The following CALN1 variants were observed in gnomAD, a reference collection of about 807,000 sequenced individuals.
The protein encoded by CALN1 is calneuron 1.
Under a neutral mutation model 30.6 loss-of-function variants are expected in CALN1, and 17 were observed. The observed-to-expected ratio is 0.56, with a 90% CI of 0.38 to 0.83. The LOEUF is 0.83. CALN1 is among the 40% of genes least tolerant of loss of function. CALN1 has a pLI of 0.00. For missense variants in CALN1, 291 were observed against 354.9 expected (o/e 0.82, Z 1.45); for synonymous variants, 156 against 131.4 (o/e 1.19, Z -1.28).
chr7:72,437,496 TAAAG>T (rs1808197953), intron 1 of CALN1, among the ~76,000 whole-genome samples: 1 of 150,904 alleles, frequency 6.6e-6, no homozygotes, highest in South Asian at 2.1e-4. Flanking sequence ...CAGGAAAAGT[TAAAG>T]AAGGTGAGAA....
intron 5 of CALN1, among the ~76,000 whole-genome samples, chr7:71,879,389 G>A (rs896577077): frequency 6.6e-6 from 1 of 152,132 alleles, no homozygotes; most frequent in Non-Finnish European, 1.5e-5. Context: ...CCCTCCAAAA[G>A]ATTTTGTGCA....
intron 3 of CALN1, among the ~76,000 whole-genome samples, chr7:72,258,977 A>T (rs1585288132): frequency 6.6e-6 from 1 of 151,930 alleles, no homozygotes; most frequent in Non-Finnish European, 1.5e-5. Flanking sequence ...GTTACTAGGA[A>T]GGCTGAGGCA....
chr7:72,243,611 C>T (rs555645893), intron 3 of CALN1, among the ~76,000 whole-genome samples: 1 of 152,158 alleles, frequency 6.6e-6, no homozygotes, highest in African/African-American at 2.4e-5. Flanking sequence ...CCGCCCCTGC[C>T]CCCAGTACTC....
intron 5 of CALN1, among the ~76,000 whole-genome samples, chr7:71,877,318 CT>C (rs1231208505): frequency 1.3e-5 from 2 of 152,098 alleles, no homozygotes; most frequent in African/African-American, 4.8e-5. Context: ...GGTGCATTTG[CT>C]TTTGCTATTA....
At chr7:71,841,674 G>C (rs942105077) in intron 5 of CALN1, among the ~76,000 whole-genome samples, 39 of 152,186 alleles carry the variant, frequency 2.6e-4, no homozygotes, top group African/African-American at 9.4e-4. Flanking sequence ...TGCAGCCATA[G>C]AAAGAGTGCA....
chr7:71,886,094 C>T (rs1792885656), intron 5 of CALN1, among the ~76,000 whole-genome samples: 1 of 152,218 alleles, frequency 6.6e-6, no homozygotes, highest in South Asian at 2.1e-4. Context: ...TTCCAAGTCC[C>T]AGCGAAGAAT....
chr7:72,004,810 A>G (rs940313510), intron 5 of CALN1, among the ~76,000 whole-genome samples: 2 of 152,208 alleles, frequency 1.3e-5, no homozygotes, highest in Non-Finnish European at 2.9e-5. Flanking sequence ...AAACAAAACA[A>G]AACACAAAAA....
chr7:72,192,196 T>C (rs191089956), intron 3 of CALN1, among the ~76,000 whole-genome samples: 21 of 152,328 alleles, frequency 1.4e-4, no homozygotes, highest in African/African-American at 4.1e-4. Context: ...AGATAGTATA[T>C]GCTATTGCTC....
intron 5 of CALN1, among the ~76,000 whole-genome samples, chr7:71,888,498 A>C (rs548335691): frequency 1.3e-5 from 2 of 152,158 alleles, no homozygotes; most frequent in East Asian, 1.9e-4. Context: ...AAAAAAACAA[A>C]ACAAAACAAA....
intron 5 of CALN1, among the ~76,000 whole-genome samples, chr7:71,883,393 A>G (rs1219475120): frequency 6.6e-6 from 1 of 152,182 alleles, no homozygotes; most frequent in Non-Finnish European, 1.5e-5. Context: ...TACAAAAACC[A>G]AAAATGGTGG....
At chr7:72,270,973 G>C (rs1372961824) in intron 3 of CALN1, among the ~76,000 whole-genome samples, 1 of 152,118 alleles carries the variant, frequency 6.6e-6, no homozygotes, top group African/African-American at 2.4e-5. Flanking sequence ...TGGTCAGAGA[G>C]GAAGGAAGAC....
the CALN1 span, among the ~76,000 whole-genome samples, chr7:72,460,504 T>A: frequency 4.0e-5 from 6 of 151,850 alleles, no homozygotes; most frequent in African/African-American, 1.5e-4. Context: ...TGGTGGCAGG[T>A]GCCTGTAGTC....
rs1562939188 is a variant in CALN1, at chr7:72,387,298, G to GGGAGGAAGGGAGGA, written c.119+15952_119+15953insTCCTCCCTTCCTCC. ...GAAGGGAGGGAGGGAGGGAGGGAGGGAGGGAGGGAGGCAGGCATCTCCCAT... is the reference window on the plus strand; with the variant it reads ...GAAGGGAGGGAGGGAGGGAGGGAGGGGGAGGAAGGGAGGAAGGGAGGGAGGCAGGCATCTCCCAT... On this transcript the variant is annotated intron_variant, in intron 2 of 6. Coordinates refer to ENST00000395275, the MANE Select transcript of CALN1 (RefSeq NM_031468.4). Among the ~76,000 whole-genome samples the GGGAGGAAGGGAGGA allele has an allele frequency of 4.5e-3, 31 of 6,820 alleles. 1 individual carries two copies. The highest frequency in any genetic ancestry group is 1.0e-2 in the African/African-American group (29 of 2,904). 4.5% of individuals were successfully genotyped at this position (6,820 alleles called of 152,430 possible). A position where few individuals can be genotyped will look rare whatever the true frequency, so the allele number is the denominator to read the frequency against.
intron 2 of CALN1, among the ~76,000 whole-genome samples, chr7:72,341,459 G>A (rs1470884965): frequency 1.3e-5 from 2 of 152,194 alleles, no homozygotes; most frequent in African/African-American, 2.4e-5. Context: ...GGAGGCAGAG[G>A]TTGCAGTGAG....
intron 5 of CALN1, among the ~76,000 whole-genome samples, chr7:71,967,773 G>T (rs1205496567): frequency 6.6e-6 from 1 of 151,750 alleles, no homozygotes; most frequent in East Asian, 1.9e-4. Flanking sequence ...TATTACTAAA[G>T]AATTTACTAA....
intron 5 of CALN1, among the ~76,000 whole-genome samples, chr7:72,003,852 A>G (rs116781050): frequency 7.9e-4 from 120 of 152,284 alleles, no homozygotes; most frequent in Non-Finnish European, 1.2e-3. Context: ...ACCTTGGTCC[A>G]TGGAAAAATT....
chr7:72,240,288 G>A (rs1251054878), intron 3 of CALN1, among the ~76,000 whole-genome samples: 1 of 151,748 alleles, frequency 6.6e-6, no homozygotes, highest in Non-Finnish European at 1.5e-5. Context: ...TTGAATTCCT[G>A]GGCTCAAGCT....
At chr7:72,376,194 C>T (rs894346124) in intron 2 of CALN1, among the ~76,000 whole-genome samples, 1 of 152,152 alleles carries the variant, frequency 6.6e-6, no homozygotes, top group Non-Finnish European at 1.5e-5. Flanking sequence ...AATAATTCTG[C>T]TACAAGCATT....
At chr7:72,067,811 A>T (rs1036541202) in intron 4 of CALN1, among the ~76,000 whole-genome samples, 3 of 152,166 alleles carry the variant, frequency 2.0e-5, no homozygotes, top group African/African-American at 7.2e-5. Flanking sequence ...CTGACCTCAG[A>T]CCACCTTCTG....
Sources: allele counts gnomAD v4.1 joint callset (sites outside exome capture counted in the v4.1 genomes callset), GRCh38; gene constraint gnomAD v4.1.1; transcripts MANE v1.5; gene names NCBI Gene and HGNC (gene_info 2026-07-23, HGNC 2026-07-21).